The following FBXL20 variants were observed in gnomAD, a reference collection of about 807,000 sequenced individuals.
The protein encoded by FBXL20 is F-box and leucine rich repeat protein 20, also known as F-box/LRR-repeat protein 20.
Under a neutral mutation model 64.0 loss-of-function variants are expected in FBXL20, and 11 were observed. The observed-to-expected ratio is 0.17, with a 90% CI of 0.11 to 0.28. The LOEUF (loss-of-function observed/expected upper bound fraction) is 0.28, where lower values mean the gene tolerates loss of function less well. Ranked by LOEUF, FBXL20 falls within the 10% of genes least tolerant of loss-of-function variation. The pLI is 1.00. For missense variants in FBXL20, 303 were observed against 526.2 expected (o/e 0.58, Z 4.15); for synonymous variants, 184 against 189.0 (o/e 0.97, Z 0.22).
At chr17:39,349,878 G>A (rs1272786916) in intron 1 of FBXL20, among the ~76,000 whole-genome samples, 1 of 151,254 alleles carries the variant, frequency 6.6e-6, no homozygotes, top group Non-Finnish European at 1.5e-5. Context: ...GGAGCTTGCA[G>A]TGAGCAGAGA....
At chr17:39,330,640 TTAAA>T (rs1185522313) in intron 2 of FBXL20, among the ~76,000 whole-genome samples, 5 of 152,192 alleles carry the variant, frequency 3.3e-5, no homozygotes, top group African/African-American at 1.2e-4. Flanking sequence ...AATAGATTAA[TTAAA>T]TAATTTGCTT....
chr17:39,395,986 A>T (rs1196104483), intron 1 of FBXL20, among the ~76,000 whole-genome samples: 2 of 148,502 alleles, frequency 1.3e-5, no homozygotes, highest in African/African-American at 5.1e-5. Flanking sequence ...AACCACAGTC[A>T]TTCAAAGCCA....
intron 1 of FBXL20, among the ~76,000 whole-genome samples, chr17:39,363,827 C>CAAAAAAAAAAAAAAAAAAA (rs1555612706): frequency 2.6e-5 from 2 of 78,024 alleles, no homozygotes; most frequent in African/African-American, 1.1e-4. Flanking sequence ...AAAAAAAAAA[C>CAAAAAAAAAAAAAAAAAAA]AAAAAACAAA....
chr17:39,396,703 C>A (rs1439193237), intron 1 of FBXL20, among the ~76,000 whole-genome samples: 1 of 151,814 alleles, frequency 6.6e-6, no homozygotes, highest in East Asian at 1.9e-4. Context: ...CACCTGTAAT[C>A]CCAGCACTTT....
rs773253215 is a variant in FBXL20 at position 39,285,465 on chromosome 17, A to T, written c.494+13T>A. 6.5e-7 allele frequency: 1 copy of T among 1,540,250 alleles called. No individual in the cohort carries two copies. Among genetic ancestry groups the T allele is most frequent in the South Asian group, 1.3e-5 (1 of 78,084 alleles). On this transcript the variant is annotated intron_variant, in intron 7 of 14. Transcript: ENST00000264658. ...TTTTTGATTACTTGACATGCTTATT[A>T]TAAGAAATTTACCTCAGAGCTTTTA...
At chr17:39,378,233 T>C (rs571253293) in intron 1 of FBXL20, among the ~76,000 whole-genome samples, 2 of 152,256 alleles carry the variant, frequency 1.3e-5, no homozygotes, top group South Asian at 2.1e-4. Flanking sequence ...ACGGTATGCA[T>C]AGAAATTATT....
Position 39,317,892 on chromosome 17 carries a change from G to A in FBXL20, c.105-14253C>T, listed in dbSNP as rs149087895. On this transcript the variant is annotated intron_variant, in intron 2 of 14. Coordinates refer to ENST00000264658, the MANE Select transcript of FBXL20 (RefSeq NM_032875.3). ...ATTTTTTTGTATTTTTAGTAGAGAC[G>A]GAGTTTCACCGTGTTAGCCGGGATG... Among the ~76,000 whole-genome samples, 154 of 151,592 alleles carry A rather than the reference G, an allele frequency of 1.0e-3. 1 individual carries two copies. In the East Asian group the frequency reaches 0.016, roughly 16 times the overall value.
intron 1 of FBXL20, among the ~76,000 whole-genome samples, chr17:39,370,917 C>T (rs1056879598): frequency 1.3e-5 from 2 of 152,070 alleles, no homozygotes; most frequent in African/African-American, 2.4e-5. Flanking sequence ...TATAGAACAG[C>T]TGTATAAAGA....
intron 5 of FBXL20, among the ~76,000 whole-genome samples, chr17:39,298,149 C>G (rs2047103332): frequency 6.6e-6 from 1 of 152,128 alleles, no homozygotes; most frequent in South Asian, 2.1e-4. Context: ...GGGTCTTCCT[C>G]TGTCACTCAG....
chr17:39,390,656 G>A (rs975142885), intron 1 of FBXL20, among the ~76,000 whole-genome samples: 7 of 152,136 alleles, frequency 4.6e-5, no homozygotes, highest in African/African-American at 1.7e-4. Context: ...GGGCCCCAGA[G>A]GTCAAGGCTG....
chr17:39,350,575 G>A (rs560685596), intron 1 of FBXL20, among the ~76,000 whole-genome samples: 2 of 150,188 alleles, frequency 1.3e-5, no homozygotes, highest in African/African-American at 4.9e-5. Flanking sequence ...TATATAAACT[G>A]AGAATGCTGC....
At chr17:39,305,797 C>T (rs1367924780) in intron 2 of FBXL20, among the ~76,000 whole-genome samples, 2 of 152,006 alleles carry the variant, frequency 1.3e-5, no homozygotes, top group African/African-American at 4.8e-5. Flanking sequence ...ACCAGCCTGA[C>T]AAACATGGTG....
chr17:39,281,662 A>C (rs914547593), intron 8 of FBXL20, among the ~76,000 whole-genome samples, 199 bp from the exon 9 acceptor site: 1 of 152,192 alleles, frequency 6.6e-6, no homozygotes, highest in African/African-American at 2.4e-5. Context: ...ATCAGCTTTG[A>C]CCACATTCAA....
At chr17:39,298,316 C>CG (rs2047104751) in intron 5 of FBXL20, among the ~76,000 whole-genome samples, 1 of 152,024 alleles carries the variant, frequency 6.6e-6, no homozygotes, top group Non-Finnish European at 1.5e-5. Context: ...AGATGGGAGC[C>CG]TTGCCATGCT....
intron 10 of FBXL20, among the ~76,000 whole-genome samples, chr17:39,274,557 T>A (rs1410631477): frequency 2.0e-5 from 3 of 152,200 alleles, no homozygotes; most frequent in African/African-American, 7.2e-5. Flanking sequence ...AAAAGAGGTA[T>A]TCCTTTAAGA....
At chr17:39,401,299 G>T in intron 1 of FBXL20, 62 bp downstream of exon 1, 1 of 1,611,062 alleles carries the variant, frequency 6.2e-7, no homozygotes, top group Non-Finnish European at 8.5e-7. Flanking sequence ...CGGAGCGGAC[G>T]TTTTGGGATT....
chr17:39,354,364 A>G (rs1434863100), intron 1 of FBXL20, among the ~76,000 whole-genome samples: 2 of 152,210 alleles, frequency 1.3e-5, no homozygotes, highest in Non-Finnish European at 2.9e-5. Context: ...CAATACAAAG[A>G]GATTAATGTT....
chr17:39,399,982 T>G (rs183790177), intron 1 of FBXL20, among the ~76,000 whole-genome samples: 137 of 152,284 alleles, frequency 9.0e-4, no homozygotes, highest in African/African-American at 3.1e-3. Flanking sequence ...ATTCAGCAAT[T>G]TTAGTGACAT....
chr17:39,369,181 A>G (rs2047890631), intron 1 of FBXL20, among the ~76,000 whole-genome samples: 1 of 151,394 alleles, frequency 6.6e-6, no homozygotes, highest in African/African-American at 2.4e-5. Flanking sequence ...AGTACAGTAT[A>G]TTTACCAACC....
Sources: gnomAD v4.1 joint callset for allele counts (sites outside exome capture counted in the v4.1 genomes callset) on GRCh38, gnomAD v4.1.1 for gene constraint, MANE v1.5 for transcripts, NCBI Gene and HGNC (gene_info 2026-07-23, HGNC 2026-07-21) for gene names.